The following ZFAND4 variants were observed in gnomAD, a reference collection of about 807,000 sequenced individuals.
ZFAND4 encodes zinc finger AN1-type containing 4.
Under a neutral mutation model 64.4 loss-of-function variants are expected in ZFAND4, and 43 were observed. That is an observed-to-expected ratio of 0.67 (90% confidence interval 0.52 to 0.86). The LOEUF is 0.86. Ranked by LOEUF, ZFAND4 falls within the 40% of genes least tolerant of loss-of-function variation. The pLI, the probability that ZFAND4 is intolerant of heterozygous loss-of-function variation, is 0.00. For synonymous variants in ZFAND4, 296 were observed against 305.7 expected (o/e 0.97, Z 0.33); for missense variants, 929 against 859.8 (o/e 1.08, Z -1.01).
chr10:45,667,748 C>G (rs2048925340), intron 1 of ZFAND4, among the ~76,000 whole-genome samples: 1 of 152,124 alleles, frequency 6.6e-6, no homozygotes. Context: ...GGATTACAGG[C>G]CTGAGCCACT....
chr10:45,647,681 T>C (rs2047479472), intron 5 of ZFAND4, among the ~76,000 whole-genome samples: 1 of 152,094 alleles, frequency 6.6e-6, no homozygotes, highest in Non-Finnish European at 1.5e-5. Flanking sequence ...GCATGCTCCA[T>C]GAAGGTAGGA....
chr10:45,652,071 A>G (rs1484865814), intron 3 of ZFAND4, 38 bp from the exon 4 acceptor site: 8 of 1,599,210 alleles, frequency 5.0e-6, no homozygotes, highest in Non-Finnish European at 6.9e-6. Context: ...CATAATCATC[A>G]AAATGCATTC....
chr10:45,655,800 C>T (rs575232105), intron 2 of ZFAND4, among the ~76,000 whole-genome samples: 300 of 152,274 alleles, frequency 2.0e-3, no homozygotes, highest in African/African-American at 6.9e-3. Context: ...AATCCTCCTA[C>T]CTTAAGTCAG....
intron 6 of ZFAND4, among the ~76,000 whole-genome samples, chr10:45,630,271 C>T (rs901426762): frequency 6.6e-6 from 1 of 152,072 alleles, no homozygotes; most frequent in East Asian, 1.9e-4. Context: ...ATCATAAATG[C>T]AAAAACTCAA....
At chr10:45,663,220 T>G (rs2048592082) in intron 2 of ZFAND4, among the ~76,000 whole-genome samples, 1 of 151,922 alleles carries the variant, frequency 6.6e-6, no homozygotes, top group African/African-American at 2.4e-5. Context: ...AAATATAAAG[T>G]AACATTAAAA....
chr10:45,663,158 G>C (rs550371408), intron 2 of ZFAND4, among the ~76,000 whole-genome samples: 17 of 145,424 alleles, frequency 1.2e-4, no homozygotes, highest in Admixed American at 1.1e-3. Flanking sequence ...AGTGTAAAAA[G>C]GGAAATAAGG....
At position 45,639,960 on chromosome 10, in the gene ZFAND4, A is replaced by G; in HGVS notation, c.573T>C (p.Gly191=). The G allele has an allele frequency of 6.2e-7, 1 of 1,601,160 alleles. No individual in the cohort carries two copies. The highest frequency in any genetic ancestry group is 8.5e-7 in the Non-Finnish European group (1 of 1,177,046). ...CTGTATCTGAATTATACATAGAACC[A>G]CCACTGCAAAGAAAACAATAACTAC... The part of the protein sequence containing the change: ...LRRKGEHRMS[G]GSMYNSDTDE... Residue 191 remains glycine, a synonymous_variant, in exon 6 of 10, where the codon GGT becomes GGC. Transcript: ENST00000344646.
intron 8 of ZFAND4, among the ~76,000 whole-genome samples, chr10:45,623,209 C>T (rs10751385): frequency 0.57 from 85,964 of 152,000 alleles, 24,498 homozygotes; most frequent in South Asian, 0.66. Context: ...AACAATATGA[C>T]GGTTCCTCAA....
chr10:45,625,873 T>C (rs1422748844), intron 7 of ZFAND4, 78 bp downstream of exon 7: 1 of 1,349,226 alleles, frequency 7.4e-7, no homozygotes, highest in Non-Finnish European at 1.0e-6. Context: ...CTTATTTATG[T>C]AAACAAAAAC....
rs763588312 is a variant in ZFAND4 at position 45,648,305 on chromosome 10, T to A, written c.558A>T (p.Glu186Asp). The change falls in exon 5 of 10, where the codon GAA becomes GAT. Residue 186 changes from glutamate (E) to aspartate (D), a missense_variant. Transcript: ENST00000344646. ...AGTTTATGGAGTACCTCATACGATGTTCTCCTTTTCTCCGTAGGACATGCA... is the reference window on the plus strand; with the variant it reads ...AGTTTATGGAGTACCTCATACGATGATCTCCTTTTCTCCGTAGGACATGCA... ...FHLHVLRRKGEHRMSGGSMYN... is the reference protein window; with the variant it reads ...FHLHVLRRKGDHRMSGGSMYN... 6.8e-6 allele frequency: 11 copies of A among 1,609,588 alleles called. No individual in the cohort carries two copies. The highest frequency in any genetic ancestry group is 9.3e-6 in the Non-Finnish European group (11 of 1,177,976).
In ZFAND4 at chr10:45,616,254, T is replaced by G; in HGVS notation, c.*182A>C. 1 of 797,622 alleles carries G rather than the reference T, an allele frequency of 1.3e-6. No homozygotes were observed. Among genetic ancestry groups the G allele is most frequent in the Non-Finnish European group, 1.9e-6 (1 of 540,496 alleles). 49.4% of individuals were successfully genotyped at this position (797,622 alleles called of 1,614,324 possible). ...GTTGTTAAAACTACTTTTAAAACTT[T>G]TGTTTCACCAAGAAATAAAGATGTA... On this transcript the variant is annotated 3_prime_UTR_variant, in exon 10 of 10. Coordinates refer to ENST00000344646, the MANE Select transcript of ZFAND4 (RefSeq NM_174890.4).
chr10:45,653,578 T>C (rs1414224794), intron 2 of ZFAND4, among the ~76,000 whole-genome samples: 2 of 152,146 alleles, frequency 1.3e-5, no homozygotes, highest in Non-Finnish European at 2.9e-5. Flanking sequence ...AAGCTCAACA[T>C]TACTAATCAT....
At position 45,615,912 on chromosome 10, in the gene ZFAND4, T is replaced by TA. The variant is rs1263040777; in HGVS notation, c.*523dup. ...CTTTTTTATAAAAAGTAGCTTGAAG[T>TA]AAAAAGGAACTTGCTAATAAAGCCA... On this transcript the variant is annotated 3_prime_UTR_variant, in exon 10 of 10. Coordinates refer to ENST00000344646, the MANE Select transcript of ZFAND4 (RefSeq NM_174890.4). 2 of 151,930 alleles carry TA rather than the reference T, an allele frequency of 1.3e-5. No individual in the cohort carries two copies. Among genetic ancestry groups the TA allele is most frequent in the Admixed American group, 1.3e-4 (2 of 15,248 alleles). The allele number at this position is 151,930 out of a possible 1,614,324, so 9.4% of individuals were successfully genotyped here. A position where few individuals can be genotyped will look rare whatever the true frequency, so the allele number is the denominator to read the frequency against.
At chr10:45,634,133 T>C (rs2046396302) in intron 6 of ZFAND4, among the ~76,000 whole-genome samples, 1 of 152,204 alleles carries the variant, frequency 6.6e-6, no homozygotes, top group African/African-American at 2.4e-5. Flanking sequence ...TCATGATATC[T>C]AACTTGCACA....
rs553043896 is a variant in ZFAND4, at chr10:45,653,076, TA to T, written c.185-18del. 1.7e-5 allele frequency: 26 copies of T among 1,574,114 alleles called. No individual in the cohort carries two copies. Among genetic ancestry groups the T allele is most frequent in the Admixed American group, 3.5e-5 (2 of 57,322 alleles). ...TGGGAATACCTTAAGGGAAAGTTATTAAAAAAAAGTGTTAAAGAATTCAATA... is the reference window on the plus strand; with the variant it reads ...TGGGAATACCTTAAGGGAAAGTTATTAAAAAAAGTGTTAAAGAATTCAATA... On this transcript the variant is annotated intron_variant, in intron 2 of 9. Coordinates refer to ENST00000344646, the MANE Select transcript of ZFAND4 (RefSeq NM_174890.4).
chr10:45,649,582 A>T (rs1262068894), intron 4 of ZFAND4: 48 of 152,368 alleles, frequency 3.2e-4, no homozygotes, highest in Non-Finnish European at 5.9e-5. Context: ...ATGCTTCCAT[A>T]GCCTAAATTC....
chr10:45,636,217 TCA>T lies in ZFAND4; in HGVS notation c.717+3597_717+3598del, dbSNP rs1487414940. On this transcript the variant is annotated intron_variant, in intron 6 of 9. Coordinates refer to ENST00000344646, the MANE Select transcript of ZFAND4 (RefSeq NM_174890.4). ...TACTTCTCTTTGGACTTCTTGACTA[TCA>T]GTTACTTAGAAGTGTGTTATTTTCA... 2.0e-5 allele frequency among the ~76,000 whole-genome samples: 3 copies of T among 152,360 alleles called. No homozygotes were observed. The East Asian group carries it at 5.8e-4, about 29-fold the overall frequency.
rs1241376310 is a variant in ZFAND4, at chr10:45,626,186, G to T, written c.1637C>A (p.Ala546Asp). ...GTTAGTCATTTCTGTGATATCCCGA[G>T]CCTCAACTTTGGAAATAACATCAGA... ...KRSDVISKVE[A>D]RDITEMTNKA... Residue 546 changes from alanine to aspartate, a missense_variant, in exon 7 of 10, where the codon GCT becomes GAT. Coordinates refer to ENST00000344646, the MANE Select transcript of ZFAND4 (RefSeq NM_174890.4). 4.3e-6 allele frequency: 7 copies of T among 1,613,974 alleles called. No individual in the cohort carries two copies. In the East Asian group the frequency reaches 1.6e-4, roughly 36 times the overall value.
At chr10:45,649,014 A>C (rs2047580749) in intron 4 of ZFAND4, 2 of 950,094 alleles carry the variant, frequency 2.1e-6, no homozygotes, top group South Asian at 4.9e-5. Context: ...CATGCCTGTA[A>C]TCCCAGCACT....
Sources: gnomAD v4.1 joint callset for allele counts (sites outside exome capture counted in the v4.1 genomes callset) on GRCh38, gnomAD v4.1.1 for gene constraint, MANE v1.5 for transcripts, NCBI Gene and HGNC (gene_info 2026-07-23, HGNC 2026-07-21) for gene names.